ARG1: variants seen among roughly 807,000 people sequenced by gnomAD.
ARG1 encodes arginase 1.
In ARG1, 20 loss-of-function variants were observed where a neutral mutation model predicts 33.0. That is an observed-to-expected ratio of 0.61 (90% CI 0.43 to 0.88). The LOEUF (loss-of-function observed/expected upper bound fraction) is 0.88. ARG1 is among the 40% of genes least tolerant of loss of function. The pLI is 0.00. For missense variants in ARG1, 374 were observed against 384.7 expected (o/e 0.97, Z 0.23); for synonymous variants, 146 against 140.6 (o/e 1.04, Z -0.27).
chr6:131,583,936 T>C lies in ARG1; in HGVS notation c.*28T>C, dbSNP rs757327323. 1 of 1,607,294 alleles carries C rather than the reference T, an allele frequency of 6.2e-7. No individual in the cohort carries two copies. The highest frequency in any genetic ancestry group is 1.7e-5 in the Admixed American group (1 of 59,994). ...GTGGAAACATCCGATATAAATCTCA[T>C]AGTTAATGGCATAATTAGAAAGCTA... On this transcript the variant is annotated 3_prime_UTR_variant, in exon 8 of 8. Coordinates refer to ENST00000368087, the MANE Select transcript of ARG1 (RefSeq NM_000045.4).
chr6:131,576,617 G>A lies in ARG1; in HGVS notation c.58-46G>A, dbSNP rs748979820. 3 of 1,544,294 alleles carry A rather than the reference G, an allele frequency of 1.9e-6. No individual in the cohort carries two copies. In the South Asian group the frequency reaches 3.3e-5, roughly 17 times the overall value. ...AAAAGGGTTCCTGCTGTGAGCATCT[G>A]ATGGTCATGATAATGTCTGAAGTAC... On this transcript the variant is annotated intron_variant, in intron 1 of 7. Coordinates refer to ENST00000368087, the MANE Select transcript of ARG1 (RefSeq NM_000045.4).
At chr6:131,577,198 G>A (rs549440874) in intron 2 of ARG1, among the ~76,000 whole-genome samples, 14 of 152,166 alleles carry the variant, frequency 9.2e-5, no homozygotes, top group Non-Finnish European at 1.8e-4. Flanking sequence ...GCAAATTTAC[G>A]TATATTTTTA....
rs757327323 is a variant in ARG1, at chr6:131,583,936, T to G, written c.*28T>G. On this transcript the variant is annotated 3_prime_UTR_variant, in exon 8 of 8. Transcript: ENST00000368087. ...GTGGAAACATCCGATATAAATCTCA[T>G]AGTTAATGGCATAATTAGAAAGCTA... 3.1e-6 allele frequency: 5 copies of G among 1,607,292 alleles called. No homozygotes were observed. In the South Asian group the frequency reaches 3.3e-5, roughly 11 times the overall value.
In ARG1 at chr6:131,583,947, A is replaced by G. The variant is rs746107017; in HGVS notation, c.*39A>G. 3 of 1,599,004 alleles carry G rather than the reference A, an allele frequency of 1.9e-6. No individual in the cohort carries two copies. Among genetic ancestry groups the G allele is most frequent in the South Asian group, 2.2e-5 (2 of 90,626 alleles). ...CGATATAAATCTCATAGTTAATGGC[A>G]TAATTAGAAAGCTAATCATTTTCTT... On this transcript the variant is annotated 3_prime_UTR_variant, in exon 8 of 8. Coordinates refer to ENST00000368087, the MANE Select transcript of ARG1 (RefSeq NM_000045.4).
rs181651242 is a variant in ARG1 at position 131,576,228 on chromosome 6, G to A, written c.58-435G>A. On this transcript the variant is annotated intron_variant, in intron 1 of 7. Coordinates refer to ENST00000368087, the MANE Select transcript of ARG1 (RefSeq NM_000045.4). ...GAAGCAGCTATGTATTGAAACTGGA[G>A]TTAAATGCCCATATCTCCTATCAGC... Among the ~76,000 whole-genome samples the A allele has an allele frequency of 8.5e-5, 13 of 152,358 alleles. 1 individual carries two copies. Among genetic ancestry groups the A allele is most frequent in the Admixed American group, 7.8e-4 (12 of 15,304 alleles).
chr6:131,582,664 C>T lies in ARG1; in HGVS notation c.509C>T (p.Ser170Phe). 1 of 1,613,892 alleles carries T rather than the reference C, an allele frequency of 6.2e-7. No individual in the cohort carries two copies. The highest frequency in any genetic ancestry group is 8.5e-7 in the Non-Finnish European group (1 of 1,179,828). The change falls in exon 5 of 8, where the codon TCT (serine) becomes TTT (phenylalanine). Residue 170 changes from serine (S) to phenylalanine (F), a missense_variant. By Grantham distance (155) the Ser-to-Phe change is radical (BLOSUM62 -2). Transcript: ENST00000368087. ...TTCTCCTGGGTGACTCCCTGTATAT[C>T]TGCCAAGGATATTGTGTATATTGGC... ...PGFSWVTPCI[S>F]AKDIVYIGLR...
intron 1 of ARG1, among the ~76,000 whole-genome samples, chr6:131,575,098 T>G (rs959237322): frequency 6.6e-6 from 1 of 152,138 alleles, no homozygotes; most frequent in Non-Finnish European, 1.5e-5. Flanking sequence ...AGCCCAATCA[T>G]GAGAAGCCAT....
Position 131,574,340 on chromosome 6 carries a change from G to A in ARG1, c.57+1001G>A, listed in dbSNP as rs769413406. ...AGGCCAGAGGTTAGAGGCCCAAACT[G>A]CATTTGGACTGTCAGTAAATACTAC... On this transcript the variant is annotated intron_variant, in intron 1 of 7. Coordinates refer to ENST00000368087, the MANE Select transcript of ARG1 (RefSeq NM_000045.4). 6.2e-5 allele frequency: 100 copies of A among 1,611,834 alleles called. No homozygotes were observed. In the East Asian group the frequency reaches 2.2e-3, roughly 35 times the overall value.
chr6:131,573,247 G>A lies in ARG1; in HGVS notation c.-36G>A, dbSNP rs1419548929. On this transcript the variant is annotated 5_prime_UTR_variant, in exon 1 of 8. Coordinates refer to ENST00000368087, the MANE Select transcript of ARG1 (RefSeq NM_000045.4). ...CTCTGTCACTGAGGGTTGACTGACTGGAGAGCTCAAGTGCAGCAAAGAGAA... is the reference window on the plus strand; with the variant it reads ...CTCTGTCACTGAGGGTTGACTGACTAGAGAGCTCAAGTGCAGCAAAGAGAA... 2 of 1,612,756 alleles carry A rather than the reference G, an allele frequency of 1.2e-6. No homozygotes were observed. The highest frequency in any genetic ancestry group is 2.2e-5 in the East Asian group (1 of 44,850).
rs1773910389 is a variant in ARG1 at position 131,581,284 on chromosome 6, A to G, written c.371A>G (p.Asp124Gly). The G allele has an allele frequency of 6.2e-7, 1 of 1,613,818 alleles. No homozygotes were observed. Among genetic ancestry groups the G allele is most frequent in the Non-Finnish European group, 8.5e-7 (1 of 1,179,852 alleles). Residue 124 changes from aspartate to glycine, a missense_variant, in exon 4 of 8, where the codon GAT becomes GGT. By Grantham distance (94) the Asp-to-Gly change is moderately conservative. Transcript: ENST00000368087. ...VHPDLGVIWV[D>G]AHTDINTPLT... is the part of the protein sequence containing the mutation. ...CCTGATCTTGGAGTCATCTGGGTGGATGCTCACACTGATATCAACACTCCA... is the reference window on the plus strand; with the variant it reads ...CCTGATCTTGGAGTCATCTGGGTGGGTGCTCACACTGATATCAACACTCCA...
chr6:131,574,728 G>A (rs1315986978), intron 1 of ARG1, among the ~76,000 whole-genome samples: 1 of 152,184 alleles, frequency 6.6e-6, no homozygotes, highest in Non-Finnish European at 1.5e-5. Context: ...TTAGAGGGCA[G>A]ATGACTAAAA....
chr6:131,576,044 G>A (rs944248120), intron 1 of ARG1, among the ~76,000 whole-genome samples: 1 of 152,168 alleles, frequency 6.6e-6, no homozygotes, highest in Admixed American at 6.5e-5. Context: ...GGTTTGCAGA[G>A]TTTCTCCATC....
intron 4 of ARG1, 138 bp from the exon 5 acceptor site, chr6:131,582,483 G>A: frequency 1.4e-6 from 1 of 727,948 alleles, no homozygotes; most frequent in Non-Finnish European, 2.3e-6. Flanking sequence ...TCTTAATTGT[G>A]TATTATTTTT....
Position 131,582,725 on chromosome 6 carries a change from T to C in ARG1, c.560+10T>C, listed in dbSNP as rs527679047. 6 of 1,610,350 alleles carry C rather than the reference T, an allele frequency of 3.7e-6. No homozygotes were observed. The African/African-American group carries it at 5.3e-5, about 14-fold the overall frequency. ...TGGACCCTGGGGAACAGTAAGCTTATTCCTTGATGTGATTTGCCTCCATTT... is the reference window on the plus strand; with the variant it reads ...TGGACCCTGGGGAACAGTAAGCTTACTCCTTGATGTGATTTGCCTCCATTT... On this transcript the variant is annotated intron_variant, in intron 5 of 7. Transcript: ENST00000368087.
chr6:131,584,161 T>C lies in ARG1; in HGVS notation c.*253T>C. 1 of 464,266 alleles carries C rather than the reference T, an allele frequency of 2.2e-6. No homozygotes were observed. The highest frequency in any genetic ancestry group is 4.2e-5 in the East Asian group (1 of 23,674). 28.8% of individuals were successfully genotyped at this position (464,266 alleles called of 1,614,324 possible). A position where few individuals can be genotyped will look rare whatever the true frequency, so the allele number is the denominator to read the frequency against. ...CTTAGAAAGAGAAGTGTACATTGAT[T>C]TCCAATTAAAAATTTGCTGGCATTA... On this transcript the variant is annotated 3_prime_UTR_variant, in exon 8 of 8. Coordinates refer to ENST00000368087, the MANE Select transcript of ARG1 (RefSeq NM_000045.4).
In ARG1 at chr6:131,579,344, A is replaced by G. The variant is rs371203992; in HGVS notation, c.305+59A>G. On this transcript the variant is annotated intron_variant, in intron 3 of 7. Transcript: ENST00000368087. Reference sequence around the variant, plus strand: ...GCACAAAGGAAGTAACCAAGGCCATAAGAAGAGAGAAAATTTAGAAATATA... The same window carrying G: ...GCACAAAGGAAGTAACCAAGGCCATGAGAAGAGAGAAAATTTAGAAATATA... 128 of 1,576,738 alleles carry G rather than the reference A, an allele frequency of 8.1e-5. 2 individuals are homozygous for G. In the East Asian group the frequency reaches 1.3e-3, roughly 16 times the overall value.
intron 5 of ARG1, 99 bp downstream of exon 5, chr6:131,582,814 GAC>G (rs75155115): frequency 6.4e-3 from 5,516 of 860,522 alleles, no homozygotes; most frequent in East Asian, 0.012. Context: ...TAAACATCAA[GAC>G]ACACACACAC....
intron 3 of ARG1, chr6:131,579,542 T>G: frequency 2.9e-6 from 1 of 348,392 alleles, no homozygotes; most frequent in East Asian, 5.9e-5. Flanking sequence ...CATCTAAATA[T>G]TCATCACAAG....
At chr6:131,579,318 G>A (rs377721661) in intron 3 of ARG1, 33 bp downstream of exon 3, 117 of 1,610,972 alleles carry the variant, frequency 7.3e-5, no homozygotes, top group Non-Finnish European at 9.4e-5. Context: ...ATGGGAATCT[G>A]GCACAAAGGA....
Sources: allele counts gnomAD v4.1 joint callset (sites outside exome capture counted in the v4.1 genomes callset), GRCh38; gene constraint gnomAD v4.1.1; transcripts MANE v1.5; gene names NCBI Gene and HGNC (gene_info 2026-07-23, HGNC 2026-07-21).